The following MEIS2 variants were observed in gnomAD, a reference collection of about 807,000 sequenced individuals.
The protein encoded by MEIS2 is homeobox protein Meis2.
Under a neutral mutation model 58.6 loss-of-function variants are expected in MEIS2, and 9 were observed. That is an observed-to-expected ratio of 0.15 (90% CI 0.09 to 0.27). The LOEUF is 0.27. Among genes scored for constraint, MEIS2 ranks in the 10% least tolerant of loss-of-function variants. The pLI is 1.00. For synonymous variants in MEIS2, 221 were observed against 228.4 expected, an observed-to-expected ratio of 0.97 and a Z score of 0.29; for missense variants, 427 against 635.0, an observed-to-expected ratio of 0.67 and a Z score of 3.52.
At chr15:37,024,947 C>T (rs1290177070) in intron 8 of MEIS2, among the ~76,000 whole-genome samples, 2 of 152,316 alleles carry the variant, frequency 1.3e-5, no homozygotes, top group South Asian at 2.1e-4. Flanking sequence ...AGTTAGTTTG[C>T]AGTCTTCCAG....
intron 7 of MEIS2, among the ~76,000 whole-genome samples, chr15:37,054,397 C>G (rs1427179057): frequency 6.6e-6 from 1 of 152,088 alleles, no homozygotes; most frequent in Non-Finnish European, 1.5e-5. Flanking sequence ...GGAGACTTTG[C>G]ATGTTTTTAA....
chr15:36,993,868 A>G (rs1236100983), intron 8 of MEIS2, among the ~76,000 whole-genome samples: 2 of 152,156 alleles, frequency 1.3e-5, no homozygotes, highest in Admixed American at 1.3e-4. Context: ...ACATATATAT[A>G]AATGTAGACA....
chr15:36,976,065 G>C (rs544227111), intron 8 of MEIS2, among the ~76,000 whole-genome samples: 26 of 152,128 alleles, frequency 1.7e-4, no homozygotes, highest in African/African-American at 5.5e-4. Flanking sequence ...AAAAGGAAAA[G>C]ACAAGTAATT....
Position 37,057,649 on chromosome 15 carries a change from AAAAT to A in MEIS2, c.755-20694_755-20691del, listed in dbSNP as rs138007500. ...CATGCAGACATATTGTGGAACTGAA[AAAAT>A]AAATAAATAAATAAATAAAGTAACC... On this transcript the variant is annotated intron_variant, in intron 7 of 11. Transcript: ENST00000561208. Among the ~76,000 whole-genome samples the A allele has an allele frequency of 2.0e-5, 3 of 151,864 alleles. No homozygotes were observed. The South Asian group carries it at 6.2e-4, about 32-fold the overall frequency.
At chr15:36,896,564 G>A (rs2056187685) in intron 10 of MEIS2, 64 bp downstream of exon 10, 2 of 1,296,982 alleles carry the variant, frequency 1.5e-6, no homozygotes, top group East Asian at 4.7e-5. Context: ...GGAAACTACT[G>A]GAGTATAACT....
chr15:36,915,608 A>T (rs1408513923), intron 9 of MEIS2, among the ~76,000 whole-genome samples: 1 of 152,132 alleles, frequency 6.6e-6, no homozygotes, highest in East Asian at 1.9e-4. Context: ...CTCCAGAAGT[A>T]AGGAGAATCG....
At chr15:36,948,305 G>T (rs1376071) in intron 9 of MEIS2, among the ~76,000 whole-genome samples, 73,749 of 151,562 alleles carry the variant, frequency 0.49, 18,335 homozygotes, top group South Asian at 0.72. Flanking sequence ...ACTGAACTCC[G>T]TGTATATGCC....
chr15:36,922,605 A>T (rs775668466), intron 9 of MEIS2, among the ~76,000 whole-genome samples: 6 of 146,906 alleles, frequency 4.1e-5, no homozygotes, highest in Non-Finnish European at 7.4e-5. Flanking sequence ...AAACCTCAGT[A>T]ACTTTCTTTC....
chr15:36,938,710 A>G (rs766799804), intron 9 of MEIS2, among the ~76,000 whole-genome samples: 7 of 152,184 alleles, frequency 4.6e-5, no homozygotes, highest in Non-Finnish European at 4.4e-5. Flanking sequence ...TTTTCAGTTC[A>G]CAGGCTTAGA....
At chr15:36,952,607 C>CTGTG (rs59061267) in intron 8 of MEIS2, among the ~76,000 whole-genome samples, 3,086 of 139,978 alleles carry the variant, frequency 0.022, 33 homozygotes, top group Middle Eastern at 0.041. Flanking sequence ...GTCTCTCTCT[C>CTGTG]TGTGTGTGTG....
At chr15:37,031,798 CATA>C (rs1168717041) in intron 8 of MEIS2, among the ~76,000 whole-genome samples, 5 of 144,852 alleles carry the variant, frequency 3.5e-5, no homozygotes, top group Non-Finnish European at 7.5e-5. Context: ...CAGCTGCATA[CATA>C]ATATTACATC....
At chr15:36,916,007 T>C (rs1231627620) in intron 9 of MEIS2, among the ~76,000 whole-genome samples, 1 of 152,226 alleles carries the variant, frequency 6.6e-6, no homozygotes, top group African/African-American at 2.4e-5. Context: ...AAGTGAAACA[T>C]GTAGTGAAAA....
intron 9 of MEIS2, among the ~76,000 whole-genome samples, chr15:36,920,494 T>C (rs2057462102): frequency 6.6e-6 from 1 of 152,214 alleles, no homozygotes; most frequent in Non-Finnish European, 1.5e-5. Flanking sequence ...AAAGAATTCT[T>C]AGAGATCTTA....
At chr15:37,067,041 A>G (rs1203220926) in intron 7 of MEIS2, among the ~76,000 whole-genome samples, 2 of 150,534 alleles carry the variant, frequency 1.3e-5, no homozygotes, top group South Asian at 2.1e-4. Flanking sequence ...TTGGCCTCCC[A>G]AAGTTCTGGG....
intron 6 of MEIS2, among the ~76,000 whole-genome samples, chr15:37,085,994 T>C (rs1892837014): frequency 6.6e-6 from 1 of 152,192 alleles, no homozygotes; most frequent in Non-Finnish European, 1.5e-5. Context: ...GTGAGTTTAG[T>C]CCTGCGACAA....
At chr15:36,985,522 T>G (rs1261237990) in intron 8 of MEIS2, among the ~76,000 whole-genome samples, 3 of 152,158 alleles carry the variant, frequency 2.0e-5, no homozygotes, top group Admixed American at 2.0e-4. Flanking sequence ...CATCCTCAGG[T>G]GTGTTATTTG....
At chr15:36,908,054 CA>C (rs548677352) in intron 9 of MEIS2, among the ~76,000 whole-genome samples, 33 of 148,096 alleles carry the variant, frequency 2.2e-4, no homozygotes, top group South Asian at 8.6e-4. Flanking sequence ...TGTCAGAAAG[CA>C]AAAAAAAAAT....
chr15:36,981,575 GGCGTGTGTGTGT>G (rs1567139345), intron 8 of MEIS2, among the ~76,000 whole-genome samples: 7 of 151,882 alleles, frequency 4.6e-5, no homozygotes, highest in African/African-American at 1.7e-4. Context: ...TATGTGAGTG[GGCGTGTGTGTGT>G]GCGTGCTTGC....
At chr15:36,949,862 A>G (rs1441001491) in intron 9 of MEIS2, among the ~76,000 whole-genome samples, 1 of 152,006 alleles carries the variant, frequency 6.6e-6, no homozygotes, top group Non-Finnish European at 1.5e-5. Context: ...ATTAGGGTAA[A>G]TAAATTTCTA....
Sources: gnomAD v4.1 joint callset for allele counts (sites outside exome capture counted in the v4.1 genomes callset) on GRCh38, gnomAD v4.1.1 for gene constraint, MANE v1.5 for transcripts, NCBI Gene and HGNC (gene_info 2026-07-23, HGNC 2026-07-21) for gene names.